CPNE4: variants seen among roughly 807,000 people sequenced by gnomAD.
The protein encoded by CPNE4 is copine 4, also known as copine-4.
A neutral mutation model predicts 67.9 loss-of-function variants in CPNE4; 25 were observed. The ratio of observed to expected loss-of-function variants is 0.37; its 90% CI spans 0.27 to 0.51. The LOEUF (loss-of-function observed/expected upper bound fraction) is 0.51, where lower values mean the gene tolerates loss of function less well. CPNE4 is among the 20% of genes least tolerant of loss of function. The pLI is 0.93. For synonymous variants in CPNE4, 242 were observed against 244.9 expected, an observed-to-expected ratio of 0.99 and a Z score of 0.11; for missense variants, 464 against 690.8, an observed-to-expected ratio of 0.67 and a Z score of 3.68.
At position 131,564,362 on chromosome 3, in the gene CPNE4, A is replaced by T. The variant is rs1176825367; in HGVS notation, c.928-13T>A. 1 of 1,605,952 alleles carries T rather than the reference A, an allele frequency of 6.2e-7. No individual in the cohort carries two copies. The highest frequency in any genetic ancestry group is 8.5e-7 in the Non-Finnish European group (1 of 1,176,666). ...AATCTATAGCTACCTAAAAGAGAAA[A>T]ATACAAGAAAAGGTAAATTTAAAGT... On this transcript the variant is annotated splice_polypyrimidine_tract_variant and intron_variant, in intron 10 of 15. Transcript: ENST00000429747.
intron 1 of CPNE4, among the ~76,000 whole-genome samples, chr3:132,010,441 T>TCA (rs3045292): frequency 0.98 from 149,493 of 152,250 alleles, 73,441 homozygotes; most frequent in East Asian, 1. Flanking sequence ...TCAAGAATGC[T>TCA]GAGTCGTGGC....
intron 2 of CPNE4, among the ~76,000 whole-genome samples, chr3:131,728,983 G>A (rs2082068166): frequency 6.6e-6 from 1 of 151,904 alleles, no homozygotes; most frequent in Non-Finnish European, 1.5e-5. Flanking sequence ...TTTGTACAAT[G>A]GCCATCTATT....
chr3:131,685,180 G>A (rs1560111871), intron 6 of CPNE4, among the ~76,000 whole-genome samples: 1 of 151,202 alleles, frequency 6.6e-6, no homozygotes, highest in African/African-American at 2.4e-5. Flanking sequence ...TAAAATGGGG[G>A]TCATCATCAT....
At chr3:131,729,675 TG>T (rs1553761234) in intron 2 of CPNE4, among the ~76,000 whole-genome samples, 1 of 152,242 alleles carries the variant, frequency 6.6e-6, no homozygotes, top group Non-Finnish European at 1.5e-5. Flanking sequence ...GTTTGCTGGT[TG>T]TGTAAAAAGT....
At chr3:131,835,934 G>A (rs547262882) in intron 2 of CPNE4, among the ~76,000 whole-genome samples, 47 of 152,226 alleles carry the variant, frequency 3.1e-4, no homozygotes, top group African/African-American at 1.0e-3. Context: ...TCCCACAGTT[G>A]GAGAGGATTA....
At chr3:131,578,150 C>T (rs1486829871) in intron 9 of CPNE4, among the ~76,000 whole-genome samples, 5 of 152,130 alleles carry the variant, frequency 3.3e-5, no homozygotes, top group Non-Finnish European at 7.4e-5. Context: ...TTGAGCAATA[C>T]TATTGGTGCC....
chr3:131,969,568 A>AT (rs1278434860), intron 1 of CPNE4, among the ~76,000 whole-genome samples: 4 of 151,784 alleles, frequency 2.6e-5, no homozygotes, highest in African/African-American at 9.7e-5. Flanking sequence ...CTGTTTTCTG[A>AT]TTTTTTTTCT....
At chr3:131,883,214 T>C (rs187573682) in intron 2 of CPNE4, among the ~76,000 whole-genome samples, 57 of 152,284 alleles carry the variant, frequency 3.7e-4, no homozygotes, top group Non-Finnish European at 7.2e-4. Flanking sequence ...TGGAAGCATG[T>C]TCATGGTAGA....
At chr3:131,802,431 C>CT (rs1055464191) in intron 2 of CPNE4, among the ~76,000 whole-genome samples, 38 of 152,148 alleles carry the variant, frequency 2.5e-4, no homozygotes, top group African/African-American at 8.4e-4. Flanking sequence ...GAACAGTAGA[C>CT]TATTACAAAC....
rs368911474 is a variant in CPNE4, at chr3:131,808,019, A to G, written c.181-84394T>C. Among the ~76,000 whole-genome samples the G allele has an allele frequency of 7.0e-4, 107 of 152,304 alleles. 3 individuals are homozygous for G. In the South Asian group the frequency reaches 0.021, roughly 30 times the overall value. ...GGTAATGCTAGAGGACTTTGAAGCC[A>G]GTGTTGAACTGAAAGTAACCATAGC... On this transcript the variant is annotated intron_variant, in intron 2 of 15. Transcript: ENST00000429747.
In CPNE4 at chr3:131,990,462, TTTTTTA is replaced by T. The variant is rs144972736; in HGVS notation, c.-2+44099_-2+44104del. ...AATGTTGTTTTTGGTTCTTTTTCTT[TTTTTTA>T]AACACCCCCTGCCCCCAGTAAACAC... On this transcript the variant is annotated intron_variant, in intron 1 of 15. Transcript: ENST00000429747. 4.6e-3 allele frequency among the ~76,000 whole-genome samples: 620 copies of T among 135,906 alleles called. 45 individuals carry two copies. The highest frequency in any genetic ancestry group is 0.014 in the African/African-American group (580 of 40,756). The allele number at this position is 135,906 out of a possible 152,430, so 89.2% of individuals were successfully genotyped here. A position where few individuals can be genotyped will look rare whatever the true frequency, so the allele number is the denominator to read the frequency against.
At chr3:131,854,121 CG>C (rs2086344174) in intron 2 of CPNE4, among the ~76,000 whole-genome samples, 1 of 151,640 alleles carries the variant, frequency 6.6e-6, no homozygotes, top group South Asian at 2.1e-4. Flanking sequence ...AGCTAAAAAC[CG>C]ATAATAGCAC....
chr3:131,885,098 T>G (rs1052597299), intron 2 of CPNE4, among the ~76,000 whole-genome samples: 1 of 152,224 alleles, frequency 6.6e-6, no homozygotes, highest in Non-Finnish European at 1.5e-5. Context: ...TGGGAAAGTT[T>G]AGAACTTTCT....
chr3:131,578,298 G>T (rs1937601839), intron 9 of CPNE4, among the ~76,000 whole-genome samples: 1 of 151,956 alleles, frequency 6.6e-6, no homozygotes, highest in African/African-American at 2.4e-5. Context: ...TAATTATTTT[G>T]GGGTGCTATG....
chr3:132,016,931 A>G (rs1180131862), intron 1 of CPNE4, among the ~76,000 whole-genome samples: 1 of 152,176 alleles, frequency 6.6e-6, no homozygotes, highest in Non-Finnish European at 1.5e-5. Context: ...CCTTCCTCAG[A>G]GTGAAGTCCA....
At chr3:131,916,523 A>C (rs577295133) in intron 1 of CPNE4, among the ~76,000 whole-genome samples, 3 of 152,268 alleles carry the variant, frequency 2.0e-5, no homozygotes, top group African/African-American at 7.2e-5. Context: ...GTACTTTTTT[A>C]ATTGACATGC....
chr3:131,747,564 G>T (rs1044085393), intron 2 of CPNE4, among the ~76,000 whole-genome samples: 1 of 151,896 alleles, frequency 6.6e-6, no homozygotes, highest in African/African-American at 2.4e-5. Context: ...TTGAGACAGG[G>T]TCTCACTACG....
At chr3:131,704,817 A>T (rs944684629) in intron 3 of CPNE4, among the ~76,000 whole-genome samples, 12 of 152,182 alleles carry the variant, frequency 7.9e-5, no homozygotes, top group African/African-American at 1.4e-4. Context: ...GAAATTAAGG[A>T]GTTCATCTAA....
At chr3:131,645,594 G>T (rs1318952686) in intron 7 of CPNE4, among the ~76,000 whole-genome samples, 1 of 152,156 alleles carries the variant, frequency 6.6e-6, no homozygotes, top group Non-Finnish European at 1.5e-5. Context: ...AATTTTAAAA[G>T]ATCCAAAGTT....
Sources: gnomAD v4.1 joint callset for allele counts (sites outside exome capture counted in the v4.1 genomes callset) on GRCh38, gnomAD v4.1.1 for gene constraint, MANE v1.5 for transcripts, NCBI Gene and HGNC (gene_info 2026-07-23, HGNC 2026-07-21) for gene names.